Variants in SLC35E2B observed in about 807,000 individuals in gnomAD.
SLC35E2B encodes solute carrier family 35 member E2B.
A neutral mutation model predicts 32.4 loss-of-function variants in SLC35E2B; 18 were observed. The observed-to-expected ratio is 0.56, with a 90% CI of 0.38 to 0.82. SLC35E2B has a LOEUF of 0.82. Ranked by LOEUF, SLC35E2B falls within the 40% of genes least tolerant of loss-of-function variation. The probability of loss-of-function intolerance (pLI) is 0.00; values close to 1 mark genes in which losing one functional copy is unlikely to be tolerated. For synonymous variants in SLC35E2B, 132 were observed against 209.1 expected (o/e 0.63, Z 3.18); for missense variants, 263 against 469.5 (o/e 0.56, Z 4.06).
intron 2 of SLC35E2B, among the ~76,000 whole-genome samples, chr1:1,685,530 C>T (rs1302628720): frequency 6.6e-6 from 1 of 151,876 alleles, no homozygotes; most frequent in East Asian, 1.9e-4. Context: ...GTGGGGGCGG[C>T]TCCAGGTCTG....
At position 1,665,960 on chromosome 1, in the gene SLC35E2B, T is replaced by C. The variant is rs1166232629; in HGVS notation, c.1040A>G (p.Asn347Ser). ...AACGGCCGACAAGCTGGTGATCTTG[T>C]TGCCGAAAACGATTACGCTGAGCCA... is the stretch of plus-strand genomic sequence containing the variant. ...SIWLSVIVFG[N>S]KITSLSAVGT... Residue 347 changes from asparagine to serine, a missense_variant, in exon 10 of 10, where the codon AAC (asparagine) becomes AGC (serine). Asn to Ser is a conservative substitution (Grantham distance 46, BLOSUM62 1). This residue lies in a region of SLC35E2B where 38 missense variants were observed against 56.9 expected (regional missense o/e 0.67). Transcript: ENST00000617444. 1 of 1,551,448 alleles carries C rather than the reference T, an allele frequency of 6.4e-7. No individual in the cohort carries two copies. The highest frequency in any genetic ancestry group is 8.7e-7 in the Non-Finnish European group (1 of 1,146,990).
chr1:1,668,439 A>T lies in SLC35E2B; in HGVS notation c.868T>A (p.Phe290Ile), dbSNP rs1341270868. ...AGCACCACGTCCTGGTTGTAGCTGA[A>T]GCTCTTCCCACTCCTCCCGATCACT... ...VPVIGRSGKS[F>I]SYNQDVVLLL... is the part of the protein sequence containing the mutation. The change falls in exon 9 of 10, where the codon TTC becomes ATC. Residue 290 changes from phenylalanine to isoleucine, a missense_variant. Physicochemically the swap from Phe to Ile is conservative, Grantham distance 21. Around this residue, in one of 7 missense-constraint regions of SLC35E2B, gnomAD observed 8 missense variants for 45.9 expected, o/e 0.17. Coordinates refer to ENST00000617444, the MANE Select transcript of SLC35E2B (RefSeq NM_001290264.2). The T allele has an allele frequency of 6.2e-7, 1 of 1,613,234 alleles. No homozygotes were observed. Among genetic ancestry groups the T allele is most frequent in the African/African-American group, 1.3e-5 (1 of 74,506 alleles).
chr1:1,672,502 T>A (rs1643723708), intron 5 of SLC35E2B: 1 of 152,262 alleles, frequency 6.6e-6, no homozygotes, highest in African/African-American at 2.4e-5. Flanking sequence ...TCTCGGCCTC[T>A]GCTGGAAACT....
At position 1,679,234 on chromosome 1, in the gene SLC35E2B, C is replaced by T. The variant is rs190233139; in HGVS notation, c.-147-2388G>A. Among the ~76,000 whole-genome samples, 1,073 of 152,308 alleles carry T rather than the reference C, an allele frequency of 7.0e-3. 14 individuals carry two copies. Among genetic ancestry groups the T allele is most frequent in the South Asian group, 0.019 (90 of 4,826 alleles). ...CGTGGGCTCGGGCGTGTGCAGACGA[C>T]GCCAGTCACGTCCCACCTGACGTCG... On this transcript the variant is annotated intron_variant, in intron 2 of 9. Coordinates refer to ENST00000617444, the MANE Select transcript of SLC35E2B (RefSeq NM_001290264.2).
chr1:1,681,948 GCACT>G (rs1408510261), intron 2 of SLC35E2B, among the ~76,000 whole-genome samples: 3 of 124,872 alleles, frequency 2.4e-5, no homozygotes, highest in Non-Finnish European at 4.8e-5. Context: ...TCGCGCCACT[GCACT>G]CACTCCAGCC....
intron 2 of SLC35E2B, among the ~76,000 whole-genome samples, chr1:1,679,656 G>A (rs866882125): frequency 1.9e-4 from 28 of 150,512 alleles, no homozygotes; most frequent in South Asian, 8.4e-4. Context: ...GCAAAACCCC[G>A]TCTCTACTAA....
intron 7 of SLC35E2B, 143 bp downstream of exon 7, chr1:1,669,955 C>A: frequency 1.1e-6 from 1 of 887,504 alleles, no homozygotes; most frequent in Non-Finnish European, 1.8e-6. Context: ...CGGGTCCCTC[C>A]CGAGCTTAGA....
intron 2 of SLC35E2B, among the ~76,000 whole-genome samples, chr1:1,677,918 C>G (rs1195648424): frequency 1.1e-4 from 16 of 151,942 alleles, no homozygotes; most frequent in Non-Finnish European, 4.4e-5. Flanking sequence ...ATCCCCCCAG[C>G]TGGGGCTTTG....
rs1233571248 is a variant in SLC35E2B, at chr1:1,670,148, C to G, written c.711G>C (p.Leu237Phe). The G allele has an allele frequency of 3.2e-6, 5 of 1,550,304 alleles. No individual in the cohort carries two copies. In the Admixed American group the frequency reaches 7.8e-5, roughly 24 times the overall value. Residue 237 changes from leucine to phenylalanine, a missense_variant, in exon 7 of 10, where the codon TTG (leucine) becomes TTC (phenylalanine). By Grantham distance (22) the Leu-to-Phe change is conservative (BLOSUM62 0). This residue lies in a region of SLC35E2B where 129 missense variants were observed against 164.5 expected (regional missense o/e 0.78). Coordinates refer to ENST00000617444, the MANE Select transcript of SLC35E2B (RefSeq NM_001290264.2). The part of the protein sequence containing the change: ...AALSTNIMDC[L>F]QNVFSKKLLS... ...GCAGCTTTTTTGAAAAAACATTTTG[C>G]AAACTAGAATAAAGAAAAGAGGTTA... is the stretch of plus-strand genomic sequence containing the variant.
At chr1:1,669,947 G>C in intron 7 of SLC35E2B, 151 bp downstream of exon 7, 1 of 856,416 alleles carries the variant, frequency 1.2e-6, no homozygotes, top group Non-Finnish European at 1.9e-6. Flanking sequence ...GAAACGGGCG[G>C]GTCCCTCCCG....
chr1:1,685,720 G>A (rs1286340632), intron 2 of SLC35E2B, among the ~76,000 whole-genome samples: 1 of 152,138 alleles, frequency 6.6e-6, no homozygotes, highest in East Asian at 1.9e-4. Context: ...TGGGAACTCG[G>A]GTGCATGGAC....
intron 5 of SLC35E2B, chr1:1,672,557 T>C (rs1557755357): frequency 6.6e-6 from 1 of 152,214 alleles, no homozygotes; most frequent in Non-Finnish European, 1.5e-5. Context: ...TAGAGAAAAC[T>C]GGAGACTGTG....
intron 5 of SLC35E2B, chr1:1,674,049 C>T (rs1643777106): frequency 5.4e-6 from 1 of 183,738 alleles, no homozygotes; most frequent in South Asian, 1.4e-4. Context: ...CCAGAACATC[C>T]AAGTCTGGCT....
intron 5 of SLC35E2B, chr1:1,671,891 G>A: frequency 3.3e-6 from 1 of 306,790 alleles, no homozygotes. Context: ...GCCATGGGCA[G>A]GTGAGCCACA....
At position 1,666,031 on chromosome 1, in the gene SLC35E2B, AG is replaced by A. The variant is rs1557749023; in HGVS notation, c.981-13del. 6.5e-7 allele frequency: 1 copy of A among 1,547,950 alleles called. No homozygotes were observed. The highest frequency in any genetic ancestry group is 1.7e-4 in the Middle Eastern group (1 of 5,974). ...CGGTGCTGGCGACGCTGCGGAGGCAAGGGGAGGCAGCAGGGGCGCTCAGGGC... is the reference window on the plus strand; with the variant it reads ...CGGTGCTGGCGACGCTGCGGAGGCAAGGGAGGCAGCAGGGGCGCTCAGGGC... On this transcript the variant is annotated splice_polypyrimidine_tract_variant and intron_variant, in intron 9 of 9. Coordinates refer to ENST00000617444, the MANE Select transcript of SLC35E2B (RefSeq NM_001290264.2).
intron 2 of SLC35E2B, among the ~76,000 whole-genome samples, chr1:1,687,155 G>A (rs142254931): frequency 1.3e-3 from 200 of 152,324 alleles, no homozygotes; most frequent in Non-Finnish European, 2.5e-3. Context: ...GAGCGCACAG[G>A]CTTGAACGGA....
intron 2 of SLC35E2B, among the ~76,000 whole-genome samples, chr1:1,688,089 A>C (rs1232663522): frequency 3.9e-5 from 6 of 152,014 alleles, no homozygotes; most frequent in African/African-American, 1.5e-4. Flanking sequence ...AGGGGGCTTG[A>C]AAGGCAGAGT....
intron 9 of SLC35E2B, among the ~76,000 whole-genome samples, chr1:1,667,852 TTC>T (rs1472755920): frequency 3.3e-5 from 5 of 151,818 alleles, no homozygotes; most frequent in African/African-American, 1.2e-4. Context: ...TCATTTGTTT[TTC>T]TGTTTTTTTT....
chr1:1,683,520 T>G (rs763891671), intron 2 of SLC35E2B, among the ~76,000 whole-genome samples: 1 of 152,204 alleles, frequency 6.6e-6, no homozygotes, highest in Non-Finnish European at 1.5e-5. Context: ...AGGCCCTCTC[T>G]GGGCGCCACC....
Sources: allele counts gnomAD v4.1 joint callset (sites outside exome capture counted in the v4.1 genomes callset), GRCh38; gene constraint gnomAD v4.1.1; regional missense constraint gnomAD v4.1.1; transcripts MANE v1.5; gene names NCBI Gene and HGNC (gene_info 2026-07-23, HGNC 2026-07-21).